The following PGCKA1 variants were observed in gnomAD, a reference collection of about 807,000 sequenced individuals.
PGCKA1 encodes the protein PDCD10 and GCKIII kinases-associated protein 1.
At chr4:37,472,929 A>G in the PGCKA1 span, among the ~76,000 whole-genome samples, 1 of 152,292 alleles carries the variant, frequency 6.6e-6, no homozygotes, top group Non-Finnish European at 1.5e-5. Flanking sequence ...GAGTAGGATT[A>G]AATGGTAACC....
chr4:37,585,154 G>C, the PGCKA1 span, among the ~76,000 whole-genome samples: 1 of 97,374 alleles, frequency 1.0e-5, no homozygotes, highest in East Asian at 3.0e-4. Context: ...GGGAGGGTCA[G>C]GAGGGGAGGG....
At chr4:37,516,762 G>A in the PGCKA1 span, among the ~76,000 whole-genome samples, 3 of 152,146 alleles carry the variant, frequency 2.0e-5, no homozygotes, top group Non-Finnish European at 4.4e-5. Context: ...AAGCAAATAT[G>A]TGTTGATATA....
chr4:37,568,267 G>A, the PGCKA1 span, among the ~76,000 whole-genome samples: 1 of 152,224 alleles, frequency 6.6e-6, no homozygotes, highest in Non-Finnish European at 1.5e-5. Flanking sequence ...ACCCTCAGAG[G>A]CTGATTTCTT....
chr4:37,455,563 C>G, the PGCKA1 span, among the ~76,000 whole-genome samples: 1 of 152,182 alleles, frequency 6.6e-6, no homozygotes, highest in South Asian at 2.1e-4. Context: ...TCCTCAATGG[C>G]TCCGGAGATT....
At chr4:37,541,904 A>G in the PGCKA1 span, among the ~76,000 whole-genome samples, 1 of 152,182 alleles carries the variant, frequency 6.6e-6, no homozygotes, top group African/African-American at 2.4e-5. Context: ...CAGTGGCGGC[A>G]GGCTGGACAA....
the PGCKA1 span, among the ~76,000 whole-genome samples, chr4:37,514,574 C>T: frequency 2.0e-5 from 3 of 152,210 alleles, no homozygotes; most frequent in Middle Eastern, 3.4e-3. Context: ...TTTATATCAA[C>T]ACTATGAGTA....
chr4:37,552,796 C>T, the PGCKA1 span, among the ~76,000 whole-genome samples: 2 of 152,162 alleles, frequency 1.3e-5, no homozygotes, highest in Non-Finnish European at 2.9e-5. Flanking sequence ...TAATATATTG[C>T]TTCCATCTTG....
the PGCKA1 span, among the ~76,000 whole-genome samples, chr4:37,477,112 T>G: frequency 6.6e-6 from 1 of 152,224 alleles, no homozygotes; most frequent in Non-Finnish European, 1.5e-5. Flanking sequence ...TACAGCAGCA[T>G]TATTCATAAT....
the PGCKA1 span, among the ~76,000 whole-genome samples, chr4:37,547,576 G>A: frequency 6.6e-6 from 1 of 152,120 alleles, no homozygotes; most frequent in Admixed American, 6.5e-5. Flanking sequence ...GAGGTAGGTT[G>A]GCCACCAGAA....
At chr4:37,462,554 T>C in the PGCKA1 span, among the ~76,000 whole-genome samples, 2 of 152,214 alleles carry the variant, frequency 1.3e-5, no homozygotes, top group African/African-American at 4.8e-5. Context: ...AAATGCCTCA[T>C]TAAAAACTGA....
chr4:37,522,994 T>A, the PGCKA1 span, among the ~76,000 whole-genome samples: 1 of 152,064 alleles, frequency 6.6e-6, no homozygotes, highest in Admixed American at 6.5e-5. Flanking sequence ...CCAGCGGATG[T>A]CTCAGTATGT....
chr4:37,533,295 G>T, the PGCKA1 span, among the ~76,000 whole-genome samples: 1 of 151,468 alleles, frequency 6.6e-6, no homozygotes, highest in Non-Finnish European at 1.5e-5. Flanking sequence ...AATTTAAGCT[G>T]GTCTCATATT....
chr4:37,465,720 C>G, the PGCKA1 span, among the ~76,000 whole-genome samples: 1 of 152,158 alleles, frequency 6.6e-6, no homozygotes, highest in Non-Finnish European at 1.5e-5. Flanking sequence ...ACCATCCTCA[C>G]AGCCTCAACA....
At chr4:37,498,075 T>C in the PGCKA1 span, among the ~76,000 whole-genome samples, 1 of 152,056 alleles carries the variant, frequency 6.6e-6, no homozygotes, top group African/African-American at 2.4e-5. Context: ...CCATCTTGAG[T>C]TGATTTTTGT....
At chr4:37,462,171 G>A in the PGCKA1 span, among the ~76,000 whole-genome samples, 40 of 152,144 alleles carry the variant, frequency 2.6e-4, no homozygotes, top group African/African-American at 9.7e-4. Context: ...AAATAGTGGG[G>A]AAATTTTTTT....
chr4:37,500,083 C>T, the PGCKA1 span, among the ~76,000 whole-genome samples: 5 of 152,050 alleles, frequency 3.3e-5, no homozygotes, highest in East Asian at 1.9e-4. Flanking sequence ...CCACCATGCC[C>T]GGCTAATTTT....
chr4:37,572,056 T>TCTTTTTC, the PGCKA1 span, among the ~76,000 whole-genome samples: 17,671 of 113,712 alleles, frequency 0.16, 1,613 homozygotes, highest in Non-Finnish European at 0.23. Flanking sequence ...ACCTTTTTTT[T>TCTTTTTC]TTTTTTCTTT....
At chr4:37,556,241 T>C in the PGCKA1 span, among the ~76,000 whole-genome samples, 1 of 145,258 alleles carries the variant, frequency 6.9e-6, no homozygotes, top group Non-Finnish European at 1.5e-5. Flanking sequence ...TCTTTTTTAT[T>C]TTCTTTTTCT....
the PGCKA1 span, among the ~76,000 whole-genome samples, chr4:37,496,282 G>A: frequency 2.6e-5 from 4 of 152,284 alleles, no homozygotes; most frequent in Non-Finnish European, 5.9e-5. Flanking sequence ...TCCCATTTGA[G>A]TTGATTTTTG....
Sources: allele counts gnomAD v4.1 joint callset (sites outside exome capture counted in the v4.1 genomes callset), GRCh38; gene constraint gnomAD v4.1.1; transcripts MANE v1.5; gene names NCBI Gene and HGNC (gene_info 2026-07-23, HGNC 2026-07-21).